Variants in ZHX2 observed in about 807,000 individuals in gnomAD.
ZHX2 encodes zinc fingers and homeoboxes protein 2.
Under a neutral mutation model 21.9 loss-of-function variants are expected in ZHX2, and 6 were observed. The ratio of observed to expected loss-of-function variants is 0.27; its 90% CI spans 0.15 to 0.54. The LOEUF (loss-of-function observed/expected upper bound fraction) is 0.54, where lower values mean the gene tolerates loss of function less well. Among genes scored for constraint, ZHX2 ranks in the 20% least tolerant of loss-of-function variants. The pLI is 0.95. For missense variants in ZHX2, 908 were observed against 1,090.7 expected (o/e 0.83, Z 2.36); for synonymous variants, 434 against 437.1 (o/e 0.99, Z 0.09).
intron 1 of ZHX2, among the ~76,000 whole-genome samples, chr8:122,811,120 C>T (rs1236800480): frequency 1.3e-5 from 2 of 152,128 alleles, no homozygotes; most frequent in Non-Finnish European, 2.9e-5. Flanking sequence ...TGGCTTATAC[C>T]TGTAATCCCG....
intron 1 of ZHX2, among the ~76,000 whole-genome samples, chr8:122,822,234 G>A (rs1308109845): frequency 6.6e-6 from 1 of 152,146 alleles, no homozygotes; most frequent in Non-Finnish European, 1.5e-5. Flanking sequence ...GTGAACGAAG[G>A]CCCAGCGAGT....
intron 1 of ZHX2, chr8:122,815,886 C>G (rs888418194): frequency 6.6e-6 from 1 of 152,102 alleles, no homozygotes; most frequent in Non-Finnish European, 1.5e-5. Context: ...GTTAGGTGTT[C>G]AAGACCAGCC....
intron 2 of ZHX2, among the ~76,000 whole-genome samples, chr8:122,921,532 G>C (rs893950391): frequency 3.9e-5 from 6 of 152,254 alleles, no homozygotes; most frequent in East Asian, 1.9e-4. Flanking sequence ...AAAAAGAAGC[G>C]TGGGCGTGGT....
chr8:122,875,844 T>C (rs1819559566), intron 2 of ZHX2, among the ~76,000 whole-genome samples: 1 of 152,246 alleles, frequency 6.6e-6, no homozygotes, highest in Non-Finnish European at 1.5e-5. Context: ...AGCTCTCCCT[T>C]CAGGCAAGAT....
chr8:122,874,416 T>G (rs1185628719), intron 2 of ZHX2, among the ~76,000 whole-genome samples: 2 of 152,266 alleles, frequency 1.3e-5, no homozygotes, highest in East Asian at 3.9e-4. Context: ...TACTGCAACT[T>G]CCGCCTCCTG....
chr8:122,910,945 C>T (rs1199690579), intron 2 of ZHX2, among the ~76,000 whole-genome samples: 1 of 152,212 alleles, frequency 6.6e-6, no homozygotes, highest in Non-Finnish European at 1.5e-5. Context: ...CCTTCCAGAA[C>T]ATCACTCCTG....
chr8:122,924,327 A>C (rs1045390857), intron 2 of ZHX2, among the ~76,000 whole-genome samples: 17 of 152,080 alleles, frequency 1.1e-4, no homozygotes, highest in Non-Finnish European at 2.2e-4. Context: ...ATCTTCCCTC[A>C]GTGCCTGTCT....
intron 1 of ZHX2, among the ~76,000 whole-genome samples, chr8:122,830,338 C>T (rs750507765): frequency 5.9e-5 from 9 of 152,246 alleles, no homozygotes; most frequent in East Asian, 3.9e-4. Flanking sequence ...ATTTTGCTGG[C>T]GCACACTGCT....
intron 1 of ZHX2, among the ~76,000 whole-genome samples, chr8:122,847,481 G>A (rs1818779524): frequency 1.3e-5 from 2 of 152,196 alleles, no homozygotes; most frequent in South Asian, 4.1e-4. Flanking sequence ...ATTGAGTCCA[G>A]GTCCCTCCTC....
intron 2 of ZHX2, among the ~76,000 whole-genome samples, chr8:122,909,341 G>C (rs1820420817): frequency 6.6e-6 from 1 of 151,944 alleles, no homozygotes. Flanking sequence ...GCTGAGGCAG[G>C]AGAATGGCTT....
At chr8:122,813,352 G>GT (rs2130613488) in intron 1 of ZHX2, among the ~76,000 whole-genome samples, 1 of 152,314 alleles carries the variant, frequency 6.6e-6, no homozygotes, top group East Asian at 1.9e-4. Context: ...GGTGTCTGGG[G>GT]AATGCATCAG....
At chr8:122,936,848 G>A (rs1157143895) in intron 2 of ZHX2, among the ~76,000 whole-genome samples, 1 of 150,924 alleles carries the variant, frequency 6.6e-6, no homozygotes, top group Non-Finnish European at 1.5e-5. Flanking sequence ...AACTCCACCA[G>A]AAAGGAGCAC....
At chr8:122,921,650 G>T (rs1350633641) in intron 2 of ZHX2, among the ~76,000 whole-genome samples, 1 of 141,572 alleles carries the variant, frequency 7.1e-6, no homozygotes, top group African/African-American at 2.5e-5. Flanking sequence ...CATCAAGAAA[G>T]AGAGAGAGAG....
chr8:122,805,468 C>A (rs1382172182), intron 1 of ZHX2, among the ~76,000 whole-genome samples: 2 of 152,162 alleles, frequency 1.3e-5, no homozygotes, highest in Non-Finnish European at 2.9e-5. Flanking sequence ...GAAGTAAGGC[C>A]AATGTGCACT....
intron 2 of ZHX2, among the ~76,000 whole-genome samples, chr8:122,940,514 G>A (rs1371715138): frequency 6.6e-6 from 1 of 152,096 alleles, no homozygotes; most frequent in African/African-American, 2.4e-5. Context: ...CAAATGTGTG[G>A]TGATGCTCAC....
chr8:122,949,032 G>T (rs1022588435), intron 2 of ZHX2, among the ~76,000 whole-genome samples: 2 of 152,118 alleles, frequency 1.3e-5, no homozygotes, highest in African/African-American at 4.8e-5. Flanking sequence ...CAACTAAAAG[G>T]TAAGTGATAG....
Position 122,952,130 on chromosome 8 carries a change from C to T in ZHX2, c.620C>T (p.Thr207Ile), listed in dbSNP as rs762630328. ...GTGCCCAAGAAGCCCGAGGAGATCACCCCCGAGAACCACGTGGAAGGGACC... is the reference window on the plus strand; with the variant it reads ...GTGCCCAAGAAGCCCGAGGAGATCATCCCCGAGAACCACGTGGAAGGGACC... ...KKVPKKPEEI[T>I]PENHVEGTAR... Residue 207 changes from threonine (T) to isoleucine (I), a missense_variant, in exon 3 of 4, where the codon ACC becomes ATC. Thr to Ile is a moderately conservative substitution (Grantham distance 89). Coordinates refer to ENST00000314393, the MANE Select transcript of ZHX2 (RefSeq NM_014943.5). The surrounding 1 kb of genome is among the most constrained non-coding windows in gnomAD (Gnocchi z 6.9). The T allele has an allele frequency of 3.1e-6, 5 of 1,613,610 alleles. No homozygotes were observed. The Admixed American group carries it at 6.7e-5, about 22-fold the overall frequency.
chr8:122,927,259 T>C (rs535232853), intron 2 of ZHX2, among the ~76,000 whole-genome samples: 11 of 152,018 alleles, frequency 7.2e-5, no homozygotes, highest in African/African-American at 2.7e-4. Context: ...CTTTGGGAGG[T>C]TGATGCAGGC....
chr8:122,921,550 G>T (rs1372963462), intron 2 of ZHX2, among the ~76,000 whole-genome samples: 1 of 152,072 alleles, frequency 6.6e-6, no homozygotes, highest in Non-Finnish European at 1.5e-5. Flanking sequence ...GGTGATTCAC[G>T]CCTGTAATCC....
Sources: gnomAD v4.1 joint callset for allele counts (sites outside exome capture counted in the v4.1 genomes callset) on GRCh38, gnomAD v4.1.1 for gene constraint, Gnocchi (gnomAD v3.1) non-coding constraint, MANE v1.5 for transcripts, NCBI Gene and HGNC (gene_info 2026-07-23, HGNC 2026-07-21) for gene names.